The following ZMYND8 variants were observed in gnomAD, a reference collection of about 807,000 sequenced individuals.
ZMYND8 encodes the protein MYND-type zinc finger-containing chromatin reader ZMYND8.
A neutral mutation model predicts 140.8 loss-of-function variants in ZMYND8; 37 were observed. That is an observed-to-expected ratio of 0.26 (90% CI 0.20 to 0.35). ZMYND8 has a LOEUF of 0.35. ZMYND8 is among the 10% of genes least tolerant of loss of function. The probability of loss-of-function intolerance (pLI) is 1.00; values close to 1 mark genes in which losing one functional copy is unlikely to be tolerated. For synonymous variants in ZMYND8, 592 were observed against 597.1 expected, an observed-to-expected ratio of 0.99 and a Z score of 0.12; for missense variants, 1,068 against 1,570.0, an observed-to-expected ratio of 0.68 and a Z score of 5.40.
intron 11 of ZMYND8, among the ~76,000 whole-genome samples, chr20:47,272,575 T>C (rs2076023864): frequency 6.6e-6 from 1 of 152,154 alleles, no homozygotes; most frequent in Non-Finnish European, 1.5e-5. Context: ...ACTACAAAAA[T>C]CACTCAGAAT....
chr20:47,245,846 C>T (rs909128272), intron 14 of ZMYND8, among the ~76,000 whole-genome samples, 162 bp downstream of exon 14: 10 of 152,208 alleles, frequency 6.6e-5, no homozygotes, highest in Admixed American at 3.3e-4. Context: ...GCTAGGCAAC[C>T]TTAAACCAAA....
intron 9 of ZMYND8, among the ~76,000 whole-genome samples, chr20:47,282,974 G>A (rs979450643): frequency 5.9e-5 from 9 of 152,024 alleles, no homozygotes; most frequent in Non-Finnish European, 1.0e-4. Flanking sequence ...CCAAAAGCAC[G>A]AAGAGATGCA....
chr20:47,211,552 AG>A (rs2035257310), intron 22 of ZMYND8, among the ~76,000 whole-genome samples: 2 of 152,184 alleles, frequency 1.3e-5, no homozygotes, highest in South Asian at 4.1e-4. Flanking sequence ...GTAGTGACTG[AG>A]TAAGAAATAA....
intron 1 of ZMYND8, chr20:47,356,351 G>GAAA: frequency 7.7e-7 from 1 of 1,301,070 alleles, no homozygotes. Flanking sequence ...AAAAAAGAAG[G>GAAA]AAAAAAAAAA....
chr20:47,330,171 T>TGCAC (rs2080816844), intron 2 of ZMYND8, among the ~76,000 whole-genome samples: 1 of 151,972 alleles, frequency 6.6e-6, no homozygotes, highest in Non-Finnish European at 1.5e-5. Flanking sequence ...CTCAGCAAGG[T>TGCAC]GCACATCACA....
chr20:47,269,231 G>A (rs2075763873), intron 11 of ZMYND8, among the ~76,000 whole-genome samples: 1 of 152,224 alleles, frequency 6.6e-6, no homozygotes, highest in Admixed American at 6.5e-5. Context: ...TAAAGAAACA[G>A]ATATGACTAA....
chr20:47,312,766 G>A (rs2079035078), intron 2 of ZMYND8, among the ~76,000 whole-genome samples: 1 of 150,986 alleles, frequency 6.6e-6, no homozygotes, highest in Non-Finnish European at 1.5e-5. Context: ...CTCCAGTCTG[G>A]GCGACAGAGC....
chr20:47,338,598 G>C lies in ZMYND8; in HGVS notation c.85+9258C>G, dbSNP rs147845451. Among the ~76,000 whole-genome samples, 316 of 152,176 alleles carry C rather than the reference G, an allele frequency of 2.1e-3. 3 individuals are homozygous for C. Among genetic ancestry groups the C allele is most frequent in the African/African-American group, 7.2e-3 (297 of 41,506 alleles). On this transcript the variant is annotated intron_variant, in intron 2 of 22. Coordinates refer to ENST00000471951, the MANE Select transcript of ZMYND8 (RefSeq NM_001281775.3). ...TCAGCAACCCCAATCTTAACCCCAG[G>C]ACTTTGAATATTAAGCCAAGTGGCT...
chr20:47,272,482 A>G lies in ZMYND8; in HGVS notation c.1480+3832T>C, dbSNP rs531746251. Among the ~76,000 whole-genome samples the G allele has an allele frequency of 1.1e-3, 162 of 152,334 alleles. 3 individuals are homozygous for G. The South Asian group carries it at 0.03, about 29-fold the overall frequency. Reference sequence around the variant, plus strand: ...GGCCCCCCGACTCTGACCCTAATACATATTAATAACTTACATCGAGATCGC... The same window carrying G: ...GGCCCCCCGACTCTGACCCTAATACGTATTAATAACTTACATCGAGATCGC... On this transcript the variant is annotated intron_variant, in intron 11 of 22. Coordinates refer to ENST00000471951, the MANE Select transcript of ZMYND8 (RefSeq NM_001281775.3).
chr20:47,307,607 C>T (rs192804370), intron 3 of ZMYND8, among the ~76,000 whole-genome samples: 103 of 152,000 alleles, frequency 6.8e-4, no homozygotes, highest in African/African-American at 2.4e-3. Context: ...CAGTGGCTCA[C>T]GCCAGAGGTC....
intron 11 of ZMYND8, among the ~76,000 whole-genome samples, chr20:47,268,290 CTTTTTTTTTT>C (rs561765484): frequency 9.3e-6 from 1 of 107,344 alleles, no homozygotes; most frequent in Admixed American, 9.7e-5. Context: ...AACCCCGTCT[CTTTTTTTTTT>C]TTTTTTTTTT....
chr20:47,279,860 C>T (rs372784857), intron 10 of ZMYND8, among the ~76,000 whole-genome samples: 9 of 151,878 alleles, frequency 5.9e-5, no homozygotes, highest in Non-Finnish European at 8.8e-5. Flanking sequence ...CAGTGGCTTA[C>T]GCCTGTAATC....
chr20:47,308,767 A>G (rs1200671837), intron 3 of ZMYND8, among the ~76,000 whole-genome samples: 1 of 152,172 alleles, frequency 6.6e-6, no homozygotes, highest in Admixed American at 6.5e-5. Flanking sequence ...GCATTTCACT[A>G]TGTAATTTTG....
chr20:47,269,615 A>G (rs1039591153), intron 11 of ZMYND8, among the ~76,000 whole-genome samples: 2 of 152,198 alleles, frequency 1.3e-5, no homozygotes, highest in Non-Finnish European at 2.9e-5. Flanking sequence ...TATTATCTAC[A>G]TTTACAAAAT....
At chr20:47,306,022 A>G (rs1462121670) in intron 3 of ZMYND8, among the ~76,000 whole-genome samples, 1 of 152,124 alleles carries the variant, frequency 6.6e-6, no homozygotes, top group East Asian at 1.9e-4. Context: ...CACTGGACCA[A>G]AGGTCTTTTA....
intron 15 of ZMYND8, among the ~76,000 whole-genome samples, chr20:47,236,965 T>G (rs553405336): frequency 1.3e-4 from 20 of 152,128 alleles, no homozygotes; most frequent in Non-Finnish European, 2.8e-4. Flanking sequence ...CCATCCCTAC[T>G]CCCTCATTCT....
At chr20:47,242,170 A>T (rs1374950422) in intron 14 of ZMYND8, among the ~76,000 whole-genome samples, 1 of 152,082 alleles carries the variant, frequency 6.6e-6, no homozygotes, top group Non-Finnish European at 1.5e-5. Flanking sequence ...GAGCCTGATT[A>T]CTCCAGCAAG....
intron 18 of ZMYND8, among the ~76,000 whole-genome samples, chr20:47,225,598 GA>G (rs2037600046): frequency 2.3e-5 from 1 of 43,428 alleles, no homozygotes; most frequent in African/African-American, 6.4e-5. Context: ...GAAGGGGAAG[GA>G]GGGGATGGGA....
intron 2 of ZMYND8, among the ~76,000 whole-genome samples, chr20:47,326,695 G>A (rs902242729): frequency 2.6e-5 from 4 of 152,224 alleles, no homozygotes; most frequent in African/African-American, 9.6e-5. Context: ...TGATCTATGT[G>A]CAGACAGGCT....
Sources: gnomAD v4.1 joint callset for allele counts (sites outside exome capture counted in the v4.1 genomes callset) on GRCh38, gnomAD v4.1.1 for gene constraint, MANE v1.5 for transcripts, NCBI Gene and HGNC (gene_info 2026-07-23, HGNC 2026-07-21) for gene names.